The following KCNJ5 variants were observed in gnomAD, a reference collection of about 807,000 sequenced individuals.
KCNJ5 encodes G protein-activated inward rectifier potassium channel 4.
A neutral mutation model predicts 20.2 loss-of-function variants in KCNJ5; 12 were observed. The ratio of observed to expected loss-of-function variants is 0.59; its 90% CI spans 0.38 to 0.96. The LOEUF (loss-of-function observed/expected upper bound fraction) is 0.96. Among genes scored for constraint, KCNJ5 ranks in the 40% least tolerant of loss-of-function variants. KCNJ5 has a pLI of 0.00. For synonymous variants in KCNJ5, 210 were observed against 213.9 expected (o/e 0.98, Z 0.16); for missense variants, 449 against 557.6 (o/e 0.81, Z 1.96).
chr11:128,892,360 C>T (rs898244158), intron 1 of KCNJ5, among the ~76,000 whole-genome samples: 2 of 152,186 alleles, frequency 1.3e-5, no homozygotes, highest in African/African-American at 4.8e-5. Context: ...CAAGTCAGTG[C>T]TTCTCCCTGC....
chr11:128,902,247 T>C (rs1944296485), intron 1 of KCNJ5: 1 of 436,428 alleles, frequency 2.3e-6, no homozygotes, highest in Non-Finnish European at 4.2e-6. Flanking sequence ...TCAGCATCCA[T>C]TACATCGGCG....
intron 1 of KCNJ5, chr11:128,902,582 T>C (rs1237998206): frequency 2.5e-6 from 4 of 1,611,060 alleles, no homozygotes; most frequent in Non-Finnish European, 8.5e-7. Context: ...GGAACCAGGC[T>C]GATGGGCACT....
chr11:128,909,688 A>T (rs1944471238), intron 1 of KCNJ5, among the ~76,000 whole-genome samples: 1 of 152,208 alleles, frequency 6.6e-6, no homozygotes, highest in African/African-American at 2.4e-5. Context: ...CAAGTGACAG[A>T]GCAGTCTAGG....
At chr11:128,908,406 G>A (rs1190917118) in intron 1 of KCNJ5, among the ~76,000 whole-genome samples, 1 of 152,176 alleles carries the variant, frequency 6.6e-6, no homozygotes, top group East Asian at 1.9e-4. Flanking sequence ...AAGCTGGTTT[G>A]TTGGACACTG....
intron 1 of KCNJ5, among the ~76,000 whole-genome samples, chr11:128,892,573 T>C (rs1156374996): frequency 6.6e-6 from 1 of 152,254 alleles, no homozygotes; most frequent in Non-Finnish European, 1.5e-5. Flanking sequence ...CCAAGTATTT[T>C]ACTCTGTTTC....
rs748056169 is a variant in KCNJ5 at position 128,916,613 on chromosome 11, C to A, written c.1142C>A (p.Pro381His). The change falls in exon 3 of 3, where the codon CCC becomes CAC. Residue 381 changes from proline (P) to histidine (H), a missense_variant. By Grantham distance (77) the Pro-to-His change is moderately conservative. Around this residue, in one of 5 missense-constraint regions of KCNJ5, gnomAD observed 64 missense variants for 51.3 expected, o/e 1.25. Transcript: ENST00000529694. The part of the protein sequence containing the change: ...KREGRLLQYL[P>H]SPPLLGGCAE... ...GAAGGCCGGCTCCTCCAGTACCTCC[C>A]CAGCCCCCCACTGCTGGGGGGCTGT... 6.2e-7 allele frequency: 1 copy of A among 1,613,986 alleles called. No individual in the cohort carries two copies. The highest frequency in any genetic ancestry group is 1.7e-5 in the Admixed American group (1 of 60,030).
rs202046790 is a variant in KCNJ5, at chr11:128,911,570, C to T, written c.297C>T (p.Val99=). The part of the protein sequence containing the change: ...NLLVFTMVYT[V]TWLFFGFIWW... ...TCGTCTTCACCATGGTTTACACTGTCACCTGGCTGTTCTTCGGCTTCATTT... is the reference window on the plus strand; with the variant it reads ...TCGTCTTCACCATGGTTTACACTGTTACCTGGCTGTTCTTCGGCTTCATTT... Residue 99 remains valine (V), a synonymous_variant, in exon 2 of 3, where the codon GTC becomes GTT. Coordinates refer to ENST00000529694, the MANE Select transcript of KCNJ5 (RefSeq NM_000890.5). The surrounding 1 kb of genome is among the most constrained non-coding windows in gnomAD (Gnocchi z 6.3). 1.1e-5 allele frequency: 17 copies of T among 1,614,246 alleles called. No individual in the cohort carries two copies. Among genetic ancestry groups the T allele is most frequent in the Non-Finnish European group, 1.4e-5 (17 of 1,180,040 alleles).
At chr11:128,903,507 C>A (rs768859509) in intron 1 of KCNJ5, 9 of 1,614,046 alleles carry the variant, frequency 5.6e-6, no homozygotes, top group East Asian at 2.2e-5. Context: ...CAGAGGCAGA[C>A]CTGCCTTAGA....
chr11:128,906,360 AACAGATGACC>A (rs1944415483), intron 1 of KCNJ5, among the ~76,000 whole-genome samples: 2 of 152,328 alleles, frequency 1.3e-5, no homozygotes, highest in African/African-American at 4.8e-5. Context: ...TTTCTGCCAT[AACAGATGACC>A]ACAGACATAG....
At chr11:128,895,848 T>A (rs1409724819) in intron 1 of KCNJ5, among the ~76,000 whole-genome samples, 1 of 152,168 alleles carries the variant, frequency 6.6e-6, no homozygotes, top group Non-Finnish European at 1.5e-5. Flanking sequence ...CTAAGGGGGC[T>A]TGAGAAACAG....
chr11:128,894,009 C>G (rs1944134029), intron 1 of KCNJ5, among the ~76,000 whole-genome samples: 1 of 152,204 alleles, frequency 6.6e-6, no homozygotes, highest in African/African-American at 2.4e-5. Context: ...GAAGGCTGCT[C>G]TAGTCATCCG....
At chr11:128,916,305 G>T in intron 2 of KCNJ5, 104 bp from the exon 3 acceptor site, 1 of 864,790 alleles carries the variant, frequency 1.2e-6, no homozygotes. Flanking sequence ...TGGATGGATG[G>T]ATGGATAGAT....
chr11:128,915,143 T>C (rs976773314), intron 2 of KCNJ5, among the ~76,000 whole-genome samples: 4 of 152,230 alleles, frequency 2.6e-5, no homozygotes, highest in African/African-American at 9.6e-5. Context: ...ACCAACACAG[T>C]TAATGCCTTC....
intron 1 of KCNJ5, among the ~76,000 whole-genome samples, chr11:128,910,382 G>C (rs533318440): frequency 6.6e-6 from 1 of 152,136 alleles, no homozygotes; most frequent in South Asian, 2.1e-4. Context: ...TTCTAATGGC[G>C]GGCCTACACA....
At chr11:128,895,076 G>T (rs1027310125) in intron 1 of KCNJ5, among the ~76,000 whole-genome samples, 4 of 151,998 alleles carry the variant, frequency 2.6e-5, no homozygotes, top group African/African-American at 9.7e-5. Flanking sequence ...AGATAGTATG[G>T]GGGACAGGAA....
chr11:128,893,056 G>A (rs1944119550), intron 1 of KCNJ5, among the ~76,000 whole-genome samples: 2 of 152,206 alleles, frequency 1.3e-5, no homozygotes, highest in African/African-American at 2.4e-5. Flanking sequence ...AAAGCCAGGT[G>A]TAAATTGCAT....
At chr11:128,907,941 C>T (rs965431047) in intron 1 of KCNJ5, among the ~76,000 whole-genome samples, 3 of 152,164 alleles carry the variant, frequency 2.0e-5, no homozygotes, top group Admixed American at 6.5e-5. Flanking sequence ...ATTAATAGAA[C>T]GGATCTCGAA....
rs1260882868 is a variant in KCNJ5, at chr11:128,912,016, A to T, written c.743A>T (p.Glu248Val). The T allele has an allele frequency of 6.2e-7, 1 of 1,610,874 alleles. No individual in the cohort carries two copies. Among genetic ancestry groups the T allele is most frequent in the Non-Finnish European group, 8.5e-7 (1 of 1,177,456 alleles). ...AAGTCCCGGCAGACCAAAGAGGGGG[A>T]GTTCATCCCCCTGAACCAGACAGAC... ...LIKSRQTKEG[E>V]FIPLNQTDIN... Residue 248 changes from glutamate (E) to valine (V), a missense_variant, in exon 2 of 3, where the codon GAG (glutamate) becomes GTG (valine). By Grantham distance (121) the Glu-to-Val change is moderately radical. Around this residue, in one of 5 missense-constraint regions of KCNJ5, gnomAD observed 145 missense variants for 166.2 expected, o/e 0.87. Transcript: ENST00000529694.
Position 128,911,393 on chromosome 11 carries a change from G to T in KCNJ5, c.120G>T (p.Thr40=). The change falls in exon 2 of 3, where the codon ACG becomes ACT. Residue 40 remains threonine (T), a synonymous_variant. Transcript: ENST00000529694. This position sits in a 1 kb window ranked among gnomAD's most constrained non-coding sequence, Gnocchi z 6.3. ...RDYVPIATDR[T]RLLAEGKKPR... ...ATGTCCCCATTGCCACAGACCGTACGCGCCTGCTGGCCGAGGGCAAGAAGC... is the reference window on the plus strand; with the variant it reads ...ATGTCCCCATTGCCACAGACCGTACTCGCCTGCTGGCCGAGGGCAAGAAGC... 1 of 1,614,196 alleles carries T rather than the reference G, an allele frequency of 6.2e-7. No individual in the cohort carries two copies. Among genetic ancestry groups the T allele is most frequent in the Non-Finnish European group, 8.5e-7 (1 of 1,180,042 alleles).
Sources: allele counts gnomAD v4.1 joint callset (sites outside exome capture counted in the v4.1 genomes callset), GRCh38; gene constraint gnomAD v4.1.1; regional missense constraint gnomAD v4.1.1; non-coding constraint Gnocchi (gnomAD v3.1); transcripts MANE v1.5; gene names NCBI Gene and HGNC (gene_info 2026-07-23, HGNC 2026-07-21).